The following DRC10 variants were observed in gnomAD, a reference collection of about 807,000 sequenced individuals.
DRC10 encodes IQ domain-containing protein D.
At chr12:113,213,166 C>A in the DRC10 span, among the ~76,000 whole-genome samples, 1 of 101,442 alleles carries the variant, frequency 9.9e-6, no homozygotes, top group African/African-American at 3.9e-5. Context: ...GTGGAAAAGT[C>A]AGAGGGTGCT....
chr12:113,207,152 A>G, the DRC10 span: 1 of 429,908 alleles, frequency 2.3e-6, no homozygotes, highest in Admixed American at 3.5e-5. Context: ...GTTCTAGACC[A>G]GCCTGGCCAA....
the DRC10 span, among the ~76,000 whole-genome samples, chr12:113,201,739 G>A: frequency 1.3e-5 from 2 of 152,192 alleles, no homozygotes; most frequent in Non-Finnish European, 2.9e-5. Context: ...GGCTGCTCAC[G>A]CCACCATCTT....
At chr12:113,207,790 C>T in the DRC10 span, 4 of 1,614,014 alleles carry the variant, frequency 2.5e-6, no homozygotes, top group Non-Finnish European at 3.4e-6. Context: ...GTCTCTGAGC[C>T]ACCCTTCCTC....
At chr12:113,218,728 G>A in the DRC10 span, among the ~76,000 whole-genome samples, 11 of 152,144 alleles carry the variant, frequency 7.2e-5, no homozygotes, top group South Asian at 8.3e-4. Context: ...GATTACAGGC[G>A]TGAGCCACTG....
the DRC10 span, among the ~76,000 whole-genome samples, chr12:113,205,231 T>TA: frequency 0.012 from 1,735 of 147,940 alleles, 23 homozygotes; most frequent in South Asian, 0.025. Context: ...AATTTTTTTT[T>TA]AAAAAAAAAA....
chr12:113,217,849 T>C, the DRC10 span, among the ~76,000 whole-genome samples: 34 of 152,172 alleles, frequency 2.2e-4, no homozygotes, highest in African/African-American at 7.2e-4. Context: ...ATATGTAACT[T>C]TCCTGGATAG....
the DRC10 span, chr12:113,197,585 C>T: frequency 8.5e-6 from 13 of 1,533,846 alleles, no homozygotes; most frequent in African/African-American, 1.2e-4. Context: ...ATCCAGTTCT[C>T]GATTTCCGTT....
At chr12:113,212,348 C>T in the DRC10 span, among the ~76,000 whole-genome samples, 2 of 152,050 alleles carry the variant, frequency 1.3e-5, no homozygotes, top group Non-Finnish European at 2.9e-5. Flanking sequence ...GGATTACAGG[C>T]GTGAGCCACC....
chr12:113,211,648 A>G, the DRC10 span, among the ~76,000 whole-genome samples: 1 of 152,026 alleles, frequency 6.6e-6, no homozygotes, highest in Non-Finnish European at 1.5e-5. Context: ...CAAAAAAACA[A>G]AAAACAAACC....
chr12:113,207,737 G>A, the DRC10 span: 1 of 1,614,204 alleles, frequency 6.2e-7, no homozygotes, highest in Admixed American at 1.7e-5. Flanking sequence ...TGCTGCATAA[G>A]TGGTGAGAGG....
the DRC10 span, among the ~76,000 whole-genome samples, chr12:113,218,263 A>G: frequency 2.0e-5 from 3 of 151,932 alleles, no homozygotes; most frequent in African/African-American, 7.3e-5. Flanking sequence ...CAGCCTCCCA[A>G]GTAGCTGGGA....
chr12:113,218,934 A>G, the DRC10 span, among the ~76,000 whole-genome samples: 1 of 152,218 alleles, frequency 6.6e-6, no homozygotes, highest in Non-Finnish European at 1.5e-5. Context: ...GATGTTGCTA[A>G]GAACATTTAT....
chr12:113,209,996 C>T, the DRC10 span, among the ~76,000 whole-genome samples: 694 of 152,242 alleles, frequency 4.6e-3, 3 homozygotes, highest in Non-Finnish European at 7.1e-3. Flanking sequence ...CATGGTGGTA[C>T]GCACCTGTTA....
the DRC10 span, among the ~76,000 whole-genome samples, chr12:113,217,214 T>C: frequency 6.6e-6 from 1 of 152,200 alleles, no homozygotes; most frequent in Non-Finnish European, 1.5e-5. Context: ...CAATTTCTCA[T>C]TCTTTAGGTC....
chr12:113,205,626 A>C, the DRC10 span, among the ~76,000 whole-genome samples: 1 of 151,758 alleles, frequency 6.6e-6, no homozygotes. Context: ...GCGGTGGCTC[A>C]TGCCAGTAAT....
chr12:113,197,538 T>C, the DRC10 span: 1 of 1,527,016 alleles, frequency 6.5e-7, no homozygotes, highest in Admixed American at 2.0e-5. Flanking sequence ...CAGCGACAAA[T>C]ACCTGCTTCT....
At chr12:113,213,176 T>TAAAAAAAA in the DRC10 span, among the ~76,000 whole-genome samples, 4 of 63,572 alleles carry the variant, frequency 6.3e-5, no homozygotes, top group African/African-American at 1.2e-4. Flanking sequence ...CAGAGGGTGC[T>TAAAAAAAA]AAAAAAAAAA....
At chr12:113,207,906 G>A in the DRC10 span, 1 of 1,614,142 alleles carries the variant, frequency 6.2e-7, no homozygotes, top group Non-Finnish European at 8.5e-7. Context: ...CTGCCCTCAT[G>A]ACGTCCTCCC....
chr12:113,207,951 C>T, the DRC10 span: 1 of 1,614,054 alleles, frequency 6.2e-7, no homozygotes, highest in Non-Finnish European at 8.5e-7. Context: ...TGTTGGATGC[C>T]ACATACGACA....
Sources: allele counts gnomAD v4.1 joint callset (sites outside exome capture counted in the v4.1 genomes callset), GRCh38; gene constraint gnomAD v4.1.1; transcripts MANE v1.5; gene names NCBI Gene and HGNC (gene_info 2026-07-23, HGNC 2026-07-21).